Variants in FRYL observed in about 807,000 individuals in gnomAD.
FRYL encodes the protein protein furry homolog-like.
In FRYL, 150 loss-of-function variants were observed where a neutral mutation model predicts 351.2. That is an observed-to-expected ratio of 0.43 (90% CI 0.37 to 0.49). The LOEUF is 0.49. Among genes scored for constraint, FRYL ranks in the 20% least tolerant of loss-of-function variants. The pLI, the probability that FRYL is intolerant of heterozygous loss-of-function variation, is 0.00. For missense variants in FRYL, 3,036 were observed against 3,619.3 expected, an observed-to-expected ratio of 0.84 and a Z score of 4.13; for synonymous variants, 1,153 against 1,257.1, an observed-to-expected ratio of 0.92 and a Z score of 1.75.
intron 3 of FRYL, among the ~76,000 whole-genome samples, chr4:48,636,371 A>AT (rs1317726728): frequency 6.6e-6 from 1 of 152,138 alleles, no homozygotes; most frequent in Non-Finnish European, 1.5e-5. Flanking sequence ...TCATAAGGTC[A>AT]TAACAGTTAT....
chr4:48,548,263 A>C (rs911433408), intron 40 of FRYL, among the ~76,000 whole-genome samples: 3 of 152,200 alleles, frequency 2.0e-5, no homozygotes, highest in African/African-American at 4.8e-5. Flanking sequence ...TGTTTGCTAC[A>C]GAAGGCACGA....
chr4:48,748,596 C>T (rs560231506), intron 1 of FRYL, among the ~76,000 whole-genome samples: 75 of 152,178 alleles, frequency 4.9e-4, no homozygotes, highest in Middle Eastern at 3.4e-3. Context: ...TCCCCAGCTA[C>T]AGATGGGAAG....
At chr4:48,667,666 G>C (rs1761969889) in intron 3 of FRYL, among the ~76,000 whole-genome samples, 1 of 150,736 alleles carries the variant, frequency 6.6e-6, no homozygotes, top group African/African-American at 2.4e-5. Flanking sequence ...TTTTTTTTTG[G>C]AGACAGGATC....
At chr4:48,678,198 C>T (rs535027370) in intron 3 of FRYL, among the ~76,000 whole-genome samples, 6 of 152,242 alleles carry the variant, frequency 3.9e-5, no homozygotes, top group African/African-American at 1.2e-4. Flanking sequence ...TCGAGACCAT[C>T]TTGGCCAACA....
chr4:48,505,030 A>C (rs1348772367), intron 60 of FRYL, among the ~76,000 whole-genome samples: 1 of 152,142 alleles, frequency 6.6e-6, no homozygotes, highest in Non-Finnish European at 1.5e-5. Flanking sequence ...ACTTATCCTC[A>C]CTTACTACAA....
chr4:48,518,075 T>C (rs1724032463), intron 55 of FRYL, among the ~76,000 whole-genome samples: 1 of 152,212 alleles, frequency 6.6e-6, no homozygotes, highest in Non-Finnish European at 1.5e-5. Flanking sequence ...AGCCATTCTT[T>C]TGGTGACAGT....
chr4:48,724,158 T>A (rs958567937), intron 1 of FRYL, among the ~76,000 whole-genome samples: 2 of 151,784 alleles, frequency 1.3e-5, no homozygotes, highest in African/African-American at 4.8e-5. Flanking sequence ...AATTAAAATT[T>A]AAAAATAAAT....
chr4:48,595,789 G>T, intron 14 of FRYL, 91 bp from the exon 15 acceptor site: 1 of 1,086,486 alleles, frequency 9.2e-7, no homozygotes, highest in Non-Finnish European at 1.3e-6. Context: ...TATATTGACA[G>T]AATTCATATT....
chr4:48,600,438 T>C (rs567768244), intron 13 of FRYL, among the ~76,000 whole-genome samples: 1 of 152,224 alleles, frequency 6.6e-6, no homozygotes, highest in East Asian at 1.9e-4. Context: ...GTGGCTCTTA[T>C]CTCCTTTAGC....
At chr4:48,614,233 T>C (rs1053259416) in intron 7 of FRYL, among the ~76,000 whole-genome samples, 1 of 150,038 alleles carries the variant, frequency 6.7e-6, no homozygotes, top group Non-Finnish European at 1.5e-5. Flanking sequence ...TTCAGTAGTT[T>C]AAAAAAAAAA....
chr4:48,774,999 A>G (rs1775867198), intron 1 of FRYL, among the ~76,000 whole-genome samples: 1 of 152,250 alleles, frequency 6.6e-6, no homozygotes, highest in African/African-American at 2.4e-5. Flanking sequence ...TCTCATAATG[A>G]TATTCTTTGA....
intron 59 of FRYL, 129 bp from the exon 60 acceptor site, chr4:48,505,744 C>T (rs1720768369): frequency 3.4e-6 from 2 of 591,554 alleles, no homozygotes; most frequent in Non-Finnish European, 6.0e-6. Context: ...AGACTTTTAT[C>T]TCCATTCAAG....
rs145446011 is a variant in FRYL, at chr4:48,773,264, G to C, written c.-384+6814C>G. On this transcript the variant is annotated intron_variant, in intron 1 of 63. Transcript: ENST00000358350. ...TAGTAGAGCTGATGAAAATATCTGT[G>C]ATCATAGTGATCAGCCAATCAATAA... is the stretch of plus-strand genomic sequence containing the variant. 2.2e-4 allele frequency among the ~76,000 whole-genome samples: 33 copies of C among 152,222 alleles called. No individual in the cohort carries two copies. The East Asian group carries it at 5.6e-3, about 26-fold the overall frequency.
chr4:48,725,612 C>A (rs1769987822), intron 1 of FRYL, among the ~76,000 whole-genome samples: 1 of 152,186 alleles, frequency 6.6e-6, no homozygotes, highest in African/African-American at 2.4e-5. Context: ...CATGAATTAT[C>A]CCTTTGTCCA....
At chr4:48,766,451 C>G (rs1209821004) in intron 1 of FRYL, among the ~76,000 whole-genome samples, 4 of 152,200 alleles carry the variant, frequency 2.6e-5, no homozygotes, top group Admixed American at 2.0e-4. Context: ...AATGGGCCAG[C>G]CTGATGCCTA....
intron 1 of FRYL, among the ~76,000 whole-genome samples, chr4:48,753,684 G>A (rs1341223700): frequency 2.6e-5 from 4 of 151,934 alleles, no homozygotes; most frequent in Non-Finnish European, 5.9e-5. Context: ...TGTGCTTTTG[G>A]TGTCTTATTT....
chr4:48,622,325 T>G lies in FRYL; in HGVS notation c.174+801A>C, dbSNP rs533885505. Among the ~76,000 whole-genome samples, 241 of 152,318 alleles carry G rather than the reference T, an allele frequency of 1.6e-3. 5 individuals are homozygous for G. Among genetic ancestry groups the G allele is most frequent in the Middle Eastern group, 0.01 (3 of 294 alleles). ...AGGTGATCTTATTATAGTCTTATTGTAACAGAGGTCTTACTGCCCTATTTA... is the reference window on the plus strand; with the variant it reads ...AGGTGATCTTATTATAGTCTTATTGGAACAGAGGTCTTACTGCCCTATTTA... On this transcript the variant is annotated intron_variant, in intron 5 of 63. Coordinates refer to ENST00000358350, the MANE Select transcript of FRYL (RefSeq NM_015030.2).
intron 1 of FRYL, among the ~76,000 whole-genome samples, chr4:48,756,992 T>A (rs1773860269): frequency 6.6e-6 from 1 of 152,172 alleles, no homozygotes; most frequent in Non-Finnish European, 1.5e-5. Flanking sequence ...TTTAAGGTTG[T>A]CTAGTTCATC....
intron 1 of FRYL, among the ~76,000 whole-genome samples, chr4:48,768,628 C>G (rs1164775285): frequency 6.6e-6 from 1 of 152,132 alleles, no homozygotes; most frequent in East Asian, 1.9e-4. Flanking sequence ...CATGGTGAAA[C>G]CCTGTCTCTA....
Sources: gnomAD v4.1 joint callset for allele counts (sites outside exome capture counted in the v4.1 genomes callset) on GRCh38, gnomAD v4.1.1 for gene constraint, MANE v1.5 for transcripts, NCBI Gene and HGNC (gene_info 2026-07-23, HGNC 2026-07-21) for gene names.